The following RAB9A variants were observed in gnomAD, a reference collection of about 807,000 sequenced individuals.
RAB9A encodes RAB9A, member RAS oncogene family.
Under a neutral mutation model 10.3 loss-of-function variants are expected in RAB9A, and 1 was observed. The ratio of observed to expected loss-of-function variants is 0.10; its 90% confidence interval spans 0.03 to 0.46. The LOEUF is 0.46. Among genes scored for constraint, RAB9A ranks in the 20% least tolerant of loss-of-function variants. The pLI is 0.96. For synonymous variants in RAB9A, 39 were observed against 55.2 expected, an observed-to-expected ratio of 0.71 and a Z score of 1.30; for missense variants, 92 against 150.3, an observed-to-expected ratio of 0.61 and a Z score of 2.03.
chrX:13,703,255 GCCATGTTCATAT>G (rs980164211), intron 1 of RAB9A, among the ~76,000 whole-genome samples: 1 of 112,323 alleles, frequency 8.9e-6, no homozygotes, highest in Non-Finnish European at 1.9e-5. Flanking sequence ...GAGTCAGTCG[GCCATGTTCATAT>G]CTTACTCCCA....
At chrX:13,690,424 A>G (rs1340003684) in intron 1 of RAB9A, among the ~76,000 whole-genome samples, 1 of 112,085 alleles carries the variant, frequency 8.9e-6, no homozygotes, top group Non-Finnish European at 1.9e-5. Flanking sequence ...TTTATACTAC[A>G]AAGTTTCTCT....
chrX:13,710,003 C>A lies in RAB9A; in HGVS notation c.*651C>A, dbSNP rs5935655. On this transcript the variant is annotated 3_prime_UTR_variant, in exon 3 of 3. Transcript: ENST00000464506. ...GGCGGAGGGTGGGCCCCCAGTGGTA[C>A]AAGAGTTGCTTCATACAGTCTGTAA... 0.024 allele frequency: 3,006 copies of A among 123,226 alleles called. 36 individuals carry two copies. The highest frequency in any genetic ancestry group is 0.041 in the Middle Eastern group (9 of 220). 10.2% of individuals were successfully genotyped at this position (123,226 alleles called of 1,213,427 possible). A position where few individuals can be genotyped will look rare whatever the true frequency, so the allele number is the denominator to read the frequency against.
intron 1 of RAB9A, among the ~76,000 whole-genome samples, chrX:13,691,325 G>A (rs1182950270): frequency 9.0e-6 from 1 of 111,196 alleles, no homozygotes; most frequent in Non-Finnish European, 1.9e-5. Context: ...ACAGTGAGCA[G>A]GGGAAAATTC....
chrX:13,708,337 C>A (rs868034672), intron 2 of RAB9A, among the ~76,000 whole-genome samples: 7 of 101,014 alleles, frequency 6.9e-5, no homozygotes, highest in Non-Finnish European at 8.1e-5. Flanking sequence ...AAAAACAAAA[C>A]CAAAACAACA....
chrX:13,706,338 G>A (rs2046197277), intron 2 of RAB9A, among the ~76,000 whole-genome samples: 1 of 111,344 alleles, frequency 9.0e-6, no homozygotes, highest in African/African-American at 3.3e-5. Context: ...ACACACTTGT[G>A]TTGGACAGTT....
chrX:13,696,374 A>C (rs768696898), intron 1 of RAB9A, among the ~76,000 whole-genome samples: 2 of 110,807 alleles, frequency 1.8e-5, no homozygotes, highest in East Asian at 5.6e-4. Flanking sequence ...GTGAGCTATG[A>C]TCATGCCACT....
intron 2 of RAB9A, among the ~76,000 whole-genome samples, chrX:13,705,781 G>C (rs1436980022): frequency 2.9e-5 from 2 of 68,314 alleles, no homozygotes; most frequent in Non-Finnish European, 5.8e-5. Context: ...GCTGGGGCAG[G>C]GTTCCCAGTG....
intron 1 of RAB9A, among the ~76,000 whole-genome samples, chrX:13,700,375 A>G (rs2046167567): frequency 8.9e-6 from 1 of 112,278 alleles, no homozygotes; most frequent in African/African-American, 3.2e-5. Context: ...TACTACTGAT[A>G]AACTATTCAT....
chrX:13,703,286 T>G (rs1234100350), intron 1 of RAB9A, among the ~76,000 whole-genome samples: 2 of 112,139 alleles, frequency 1.8e-5, no homozygotes, highest in Non-Finnish European at 3.8e-5. Flanking sequence ...CACCTTTTAC[T>G]AGGTGTGTGA....
chrX:13,705,754 A>G (rs771886466), intron 2 of RAB9A, among the ~76,000 whole-genome samples: 10 of 107,097 alleles, frequency 9.3e-5, no homozygotes, highest in African/African-American at 3.4e-4. Flanking sequence ...TGTGAAAGGA[A>G]CAACATTGGG....
chrX:13,704,040 G>C (rs994856949), intron 2 of RAB9A, 138 bp downstream of exon 2: 3 of 111,958 alleles, frequency 2.7e-5, no homozygotes, highest in African/African-American at 9.8e-5. Flanking sequence ...ACAGAAACAA[G>C]AGCGTTTTCA....
intron 1 of RAB9A, among the ~76,000 whole-genome samples, chrX:13,691,520 C>T (rs745834583): frequency 3.7e-5 from 4 of 109,439 alleles, no homozygotes; most frequent in African/African-American, 1.3e-4. Flanking sequence ...ATTAGCCAGG[C>T]GTGGTGGCGG....
chrX:13,702,163 G>A (rs191604314), intron 1 of RAB9A, among the ~76,000 whole-genome samples: 1 of 111,752 alleles, frequency 8.9e-6, no homozygotes, highest in African/African-American at 3.3e-5. Context: ...CGGGTGCTCA[G>A]GCCTACCTTG....
rs1178907574 is a variant in RAB9A, at chrX:13,709,561, G to C, written c.*209G>C. The C allele has an allele frequency of 3.2e-6, 1 of 307,701 alleles. No individual in the cohort carries two copies. The highest frequency in any genetic ancestry group is 5.8e-5 in the Admixed American group (1 of 17,225). 25.4% of individuals were successfully genotyped at this position (307,701 alleles called of 1,213,427 possible). ...TAATGGCACCTTACATTTATAAATT[G>C]TAACAGTTGTCTAATAACGTTTCTT... is the stretch of plus-strand genomic sequence containing the variant. On this transcript the variant is annotated 3_prime_UTR_variant, in exon 3 of 3. Coordinates refer to ENST00000464506, the MANE Select transcript of RAB9A (RefSeq NM_004251.5).
chrX:13,700,154 G>T (rs1405084844), intron 1 of RAB9A, among the ~76,000 whole-genome samples: 1 of 111,537 alleles, frequency 9.0e-6, no homozygotes, highest in African/African-American at 3.3e-5. Context: ...TCACCATGTT[G>T]CCCAGGCTGG....
rs1440490880 is a variant in RAB9A, at chrX:13,709,196, T to C, written c.450T>C (p.Tyr150=). Residue 150 remains tyrosine (Y), a synonymous_variant, in exon 3 of 3, where the codon TAT becomes TAC. Coordinates refer to ENST00000464506, the MANE Select transcript of RAB9A (RefSeq NM_004251.5). Reference sequence around the variant, plus strand: ...GCAGGGACAACGGCGACTATCCTTATTTTGAAACAAGTGCAAAAGATGCCA... The same window carrying C: ...GCAGGGACAACGGCGACTATCCTTACTTTGAAACAAGTGCAAAAGATGCCA... ...AWCRDNGDYP[Y]FETSAKDATN... is the part of the protein sequence containing the mutation. The C allele has an allele frequency of 1.6e-5, 19 of 1,210,110 alleles. No individual in the cohort carries two copies. The East Asian group carries it at 5.6e-4, about 36-fold the overall frequency.
chrX:13,696,874 C>CAAAGTAACAGTT (rs2046150314), intron 1 of RAB9A, among the ~76,000 whole-genome samples: 9 of 111,635 alleles, frequency 8.1e-5, no homozygotes, highest in African/African-American at 2.9e-4. Context: ...AGGGGCAGAC[C>CAAAGTAACAGTT]TGGGGGGATC....
At chrX:13,690,232 C>T (rs1462136590) in intron 1 of RAB9A, among the ~76,000 whole-genome samples, 1 of 112,120 alleles carries the variant, frequency 8.9e-6, no homozygotes, top group African/African-American at 3.2e-5. Context: ...ATAAAGAAAC[C>T]TGGAACGATT....
chrX:13,700,247 G>T (rs947563462), intron 1 of RAB9A, among the ~76,000 whole-genome samples: 5 of 111,984 alleles, frequency 4.5e-5, no homozygotes, highest in African/African-American at 1.3e-4. Context: ...ACCGTGCGTG[G>T]CCAGCAGATT....
Sources: gnomAD v4.1 joint callset for allele counts (sites outside exome capture counted in the v4.1 genomes callset) on GRCh38, gnomAD v4.1.1 for gene constraint, MANE v1.5 for transcripts, NCBI Gene and HGNC (gene_info 2026-07-23, HGNC 2026-07-21) for gene names.